The following ANKRD36B variants were observed in gnomAD, a reference collection of about 807,000 sequenced individuals.
The protein encoded by ANKRD36B is ankyrin repeat domain-containing protein 36B.
ANKRD36B carries 37 observed loss-of-function variants against 135.7 expected under a neutral mutation model. The ratio of observed to expected loss-of-function variants is 0.27; its 90% confidence interval spans 0.21 to 0.36. The LOEUF (loss-of-function observed/expected upper bound fraction) is 0.36, where lower values mean the gene tolerates loss of function less well. Ranked by LOEUF, ANKRD36B falls within the 10% of genes least tolerant of loss-of-function variation. The pLI is 1.00. For synonymous variants in ANKRD36B, 179 were observed against 348.1 expected, an observed-to-expected ratio of 0.51 and a Z score of 5.41; for missense variants, 549 against 1,037.1, an observed-to-expected ratio of 0.53 and a Z score of 6.46.
intron 14 of ANKRD36B, among the ~76,000 whole-genome samples, chr2:97,554,171 T>G (rs2080293131): frequency 6.6e-6 from 1 of 151,952 alleles, no homozygotes; most frequent in African/African-American, 2.4e-5. Flanking sequence ...CAATATTCAT[T>G]GAAAATGACC....
At chr2:97,556,861 C>T (rs1359860906) in intron 12 of ANKRD36B, 76 bp downstream of exon 12, 6 of 1,527,482 alleles carry the variant, frequency 3.9e-6, no homozygotes, top group Non-Finnish European at 2.6e-6. Context: ...AATGACACCC[C>T]ACTGATCTAT....
rs1165447903 is a variant in ANKRD36B, at chr2:97,521,597, T to C, written c.2407+1729A>G. Reference sequence around the variant, plus strand: ...ATGTTTGTATACATGAGGTCGGATGTAGAATTTTTCCACTGTGCTGTCTAT... The same window carrying C: ...ATGTTTGTATACATGAGGTCGGATGCAGAATTTTTCCACTGTGCTGTCTAT... On this transcript the variant is annotated intron_variant, in intron 36 of 43. Coordinates refer to ENST00000359901, the MANE Select transcript of ANKRD36B (RefSeq NM_001393939.1). Among the ~76,000 whole-genome samples, 4 of 91,476 alleles carry C rather than the reference T, an allele frequency of 4.4e-5. No homozygotes were observed. In the East Asian group the frequency reaches 6.9e-4, roughly 16 times the overall value. The allele number at this position is 91,476 out of a possible 152,430, so 60.0% of individuals were successfully genotyped here. A position where few individuals can be genotyped will look rare whatever the true frequency, so the allele number is the denominator to read the frequency against.
rs539512149 is a variant in ANKRD36B, at chr2:97,525,253, T to C, written c.2266-1786A>G. ...TCCCAAAAATGAATTAGGAGATGACTTGTGGTACTATAAAGGCACTGTCAC... is the reference window on the plus strand; with the variant it reads ...TCCCAAAAATGAATTAGGAGATGACCTGTGGTACTATAAAGGCACTGTCAC... On this transcript the variant is annotated intron_variant, in intron 35 of 43. Transcript: ENST00000359901. Among the ~76,000 whole-genome samples the C allele has an allele frequency of 7.2e-5, 7 of 97,050 alleles. 2 individuals are homozygous for C. The highest frequency in any genetic ancestry group is 4.7e-4 in the South Asian group (2 of 4,278). The allele number at this position is 97,050 out of a possible 152,430, so 63.7% of individuals were successfully genotyped here.
intron 30 of ANKRD36B, 46 bp downstream of exon 30, chr2:97,539,988 T>C: frequency 1.2e-6 from 1 of 833,400 alleles, no homozygotes; most frequent in South Asian, 1.3e-5. Flanking sequence ...AGAAGTTCTT[T>C]TCTATCTGGA....
At chr2:97,547,936 A>C (rs2079640975) in intron 20 of ANKRD36B, among the ~76,000 whole-genome samples, 1 of 151,772 alleles carries the variant, frequency 6.6e-6, no homozygotes, top group Non-Finnish European at 1.5e-5. Flanking sequence ...TACTCTTATA[A>C]TTTCAAACAG....
In ANKRD36B at chr2:97,530,877, G is replaced by A. The variant is rs1229323786; in HGVS notation, c.2265+1434C>T. Reference sequence around the variant, plus strand: ...TGAGATACCATCCCACACCAGTTAGGATGGCAATCATTAAAAAGTCAGGAA... The same window carrying A: ...TGAGATACCATCCCACACCAGTTAGAATGGCAATCATTAAAAAGTCAGGAA... On this transcript the variant is annotated intron_variant, in intron 35 of 43. Transcript: ENST00000359901. Among the ~76,000 whole-genome samples the A allele has an allele frequency of 1.8e-4, 17 of 96,510 alleles. 3 individuals carry two copies. In the East Asian group the frequency reaches 4.0e-3, roughly 22 times the overall value. The allele number at this position is 96,510 out of a possible 152,430, so 63.3% of individuals were successfully genotyped here.
intron 34 of ANKRD36B, among the ~76,000 whole-genome samples, chr2:97,532,748 T>C (rs532425580): frequency 1.1e-5 from 1 of 92,968 alleles, no homozygotes; most frequent in Admixed American, 9.6e-5. Flanking sequence ...AAAAGCCATA[T>C]TCTTTCTAAA....
chr2:97,582,493 T>C (rs1361566042), intron 3 of ANKRD36B, among the ~76,000 whole-genome samples: 1 of 151,886 alleles, frequency 6.6e-6, no homozygotes, highest in African/African-American at 2.4e-5. Flanking sequence ...ACATGCCTCA[T>C]AGAAAGGGGC....
chr2:97,536,690 T>C lies in ANKRD36B; in HGVS notation c.2090-194A>G, dbSNP rs1318057672. Among the ~76,000 whole-genome samples the C allele has an allele frequency of 6.2e-5, 6 of 96,044 alleles. 3 individuals are homozygous for C. Among genetic ancestry groups the C allele is most frequent in the African/African-American group, 1.9e-4 (6 of 31,908 alleles). 63.0% of individuals were successfully genotyped at this position (96,044 alleles called of 152,430 possible). On this transcript the variant is annotated intron_variant, in intron 32 of 43. Coordinates refer to ENST00000359901, the MANE Select transcript of ANKRD36B (RefSeq NM_001393939.1). ...AATAGGAATACAAGCTTCAAAAACA[T>C]ACAGTTACAAGTTAAAAAGTGAGAT...
chr2:97,555,304 T>C (rs749922233), intron 12 of ANKRD36B, 50 bp from the exon 13 acceptor site: 14 of 1,605,320 alleles, frequency 8.7e-6, no homozygotes, highest in Non-Finnish European at 1.1e-5. Flanking sequence ...TATGATAAAG[T>C]TATCCATACA....
chr2:97,574,962 A>G (rs1338510170), intron 6 of ANKRD36B, among the ~76,000 whole-genome samples: 2 of 152,126 alleles, frequency 1.3e-5, no homozygotes, highest in Middle Eastern at 3.2e-3. Flanking sequence ...ATATTTGGAC[A>G]ACAGACATAC....
At chr2:97,535,496 C>T (rs1267076143) in intron 34 of ANKRD36B, among the ~76,000 whole-genome samples, 4 of 119,546 alleles carry the variant, frequency 3.3e-5, no homozygotes, top group African/African-American at 1.0e-4. Context: ...AACACACACA[C>T]ACACACACAC....
chr2:97,575,082 G>T (rs1182862764), intron 6 of ANKRD36B, among the ~76,000 whole-genome samples: 3 of 151,314 alleles, frequency 2.0e-5, no homozygotes, highest in African/African-American at 7.3e-5. Flanking sequence ...AATCTTACTT[G>T]TTAGAATTCA....
chr2:97,515,255 TGTTG>T (rs1313873814), intron 37 of ANKRD36B, among the ~76,000 whole-genome samples: 1 of 21,120 alleles, frequency 4.7e-5, no homozygotes, highest in Non-Finnish European at 1.4e-4. Context: ...TTTTATACTC[TGTTG>T]GTTGAATTAT....
rs1352723360 is a variant in ANKRD36B at position 97,534,936 on chromosome 2, C to T, written c.2191+1364G>A. ...ATGATTTGGAATCAACCTAAATGTA[C>T]ATCAACAGAAAAATGGGTTCTAAAA... On this transcript the variant is annotated intron_variant, in intron 34 of 43. Coordinates refer to ENST00000359901, the MANE Select transcript of ANKRD36B (RefSeq NM_001393939.1). Among the ~76,000 whole-genome samples, 15 of 97,204 alleles carry T rather than the reference C, an allele frequency of 1.5e-4. 3 individuals are homozygous for T. Among genetic ancestry groups the T allele is most frequent in the Admixed American group, 2.8e-4 (3 of 10,874 alleles). The allele number at this position is 97,204 out of a possible 152,430, so 63.8% of individuals were successfully genotyped here. A position where few individuals can be genotyped will look rare whatever the true frequency, so the allele number is the denominator to read the frequency against.
At position 97,538,981 on chromosome 2, in the gene ANKRD36B, G is replaced by A. The variant is rs1300925372; in HGVS notation, c.1988-618C>T. On this transcript the variant is annotated intron_variant, in intron 30 of 43. Coordinates refer to ENST00000359901, the MANE Select transcript of ANKRD36B (RefSeq NM_001393939.1). ...GTAATAATGTGCCTACATTTGTTGT[G>A]TCCTCTAGTTTAGGCTACAGAAAGG... 1.0e-4 allele frequency among the ~76,000 whole-genome samples: 10 copies of A among 96,064 alleles called. 3 individuals carry two copies. Among genetic ancestry groups the A allele is most frequent in the Admixed American group, 2.8e-4 (3 of 10,778 alleles). The allele number at this position is 96,064 out of a possible 152,430, so 63.0% of individuals were successfully genotyped here.
At chr2:97,551,753 T>C (rs193279706) in intron 16 of ANKRD36B, among the ~76,000 whole-genome samples, 5 of 152,078 alleles carry the variant, frequency 3.3e-5, no homozygotes, top group Admixed American at 3.3e-4. Context: ...TCAATGTCCA[T>C]ATGCCGAGTG....
At chr2:97,538,418 C>T in intron 30 of ANKRD36B, 55 bp from the exon 31 acceptor site, 1 of 894,200 alleles carries the variant, frequency 1.1e-6, no homozygotes, top group Non-Finnish European at 1.7e-6. Context: ...TAAAGTTATC[C>T]ACACATTCAT....
rs751948189 is a variant in ANKRD36B, at chr2:97,547,725, A to G, written c.1484T>C (p.Phe495Ser). Reference sequence around the variant, plus strand: ...TACCTTCAAGCCTGGTGGTTGCTCAAAAGACACTGAAAAGTAAAAGGGATT... The same window carrying G: ...TACCTTCAAGCCTGGTGGTTGCTCAGAAGACACTGAAAAGTAAAAGGGATT... ...KDGEKSRTVS[F>S]EQPPGLKATR... The change falls in exon 21 of 44, where the codon TTT (phenylalanine) becomes TCT (serine). Residue 495 changes from phenylalanine (F) to serine (S), a missense_variant. Physicochemically the swap from Phe to Ser is radical, Grantham distance 155 (BLOSUM62 -2). Coordinates refer to ENST00000359901, the MANE Select transcript of ANKRD36B (RefSeq NM_001393939.1). 1.2e-3 allele frequency: 1,851 copies of G among 1,557,382 alleles called. 56 individuals are homozygous for G. In the East Asian group the frequency reaches 0.04, roughly 34 times the overall value.
Sources: allele counts gnomAD v4.1 joint callset (sites outside exome capture counted in the v4.1 genomes callset), GRCh38; gene constraint gnomAD v4.1.1; transcripts MANE v1.5; gene names NCBI Gene and HGNC (gene_info 2026-07-23, HGNC 2026-07-21).